HDAC4: variants seen among roughly 807,000 people sequenced by gnomAD.
HDAC4 encodes the protein histone deacetylase A.
A neutral mutation model predicts 135.1 loss-of-function variants in HDAC4; 16 were observed. The ratio of observed to expected loss-of-function variants is 0.12; its 90% confidence interval spans 0.08 to 0.18. The LOEUF (loss-of-function observed/expected upper bound fraction) is 0.18. Among genes scored for constraint, HDAC4 ranks in the 10% least tolerant of loss-of-function variants. HDAC4 has a pLI of 1.00. For missense variants in HDAC4, 1,143 were observed against 1,511.8 expected (o/e 0.76, Z 4.05); for synonymous variants, 685 against 653.4 (o/e 1.05, Z -0.74).
chr2:239,209,166 C>T (rs1252584811), intron 3 of HDAC4, among the ~76,000 whole-genome samples: 1 of 152,156 alleles, frequency 6.6e-6, no homozygotes, highest in Non-Finnish European at 1.5e-5. Context: ...CAGGTGTGAT[C>T]AGGCCACTGT....
At chr2:239,243,090 A>AG (rs35054785) in intron 2 of HDAC4, among the ~76,000 whole-genome samples, 45,945 of 151,748 alleles carry the variant, frequency 0.3, 7,753 homozygotes, top group African/African-American at 0.44. Context: ...CCCACATTTC[A>AG]CCTTAGCACC....
At chr2:239,316,449 G>A (rs1396651798) in intron 2 of HDAC4, among the ~76,000 whole-genome samples, 3 of 152,054 alleles carry the variant, frequency 2.0e-5, no homozygotes, top group Admixed American at 6.6e-5. Context: ...AAAAATTAAA[G>A]ATAAAAAAAT....
At position 239,175,660 on chromosome 2, in the gene HDAC4, G is replaced by T. The variant is rs143618825; in HGVS notation, c.490+753C>A. On this transcript the variant is annotated intron_variant, in intron 5 of 26. Transcript: ENST00000543185. ...GCTGCTGGCCCTCACTGGGCCGTGG[G>T]TCACTCTACAACCTCACACCTGCTT... 2.0e-5 allele frequency among the ~76,000 whole-genome samples: 3 copies of T among 152,322 alleles called. No homozygotes were observed. The East Asian group carries it at 5.8e-4, about 29-fold the overall frequency.
Position 239,352,772 on chromosome 2 carries a change from G to A in HDAC4, c.-73C>T. 2 of 1,399,080 alleles carry A rather than the reference G, an allele frequency of 1.4e-6. No individual in the cohort carries two copies. The highest frequency in any genetic ancestry group is 2.0e-6 in the Non-Finnish European group (2 of 1,008,024). The allele number at this position is 1,399,080 out of a possible 1,614,324, so 86.7% of individuals were successfully genotyped here. A position where few individuals can be genotyped will look rare whatever the true frequency, so the allele number is the denominator to read the frequency against. On this transcript the variant is annotated 5_prime_UTR_variant, in exon 2 of 27. Transcript: ENST00000543185. The surrounding 1 kb of genome is among the most constrained non-coding windows in gnomAD (Gnocchi z 4.4). ...TCCACGGAAACGATAGCTCCAACGA[G>A]CTCCAAACTCCCACCAACACATACA...
In HDAC4 at chr2:239,102,828, C is replaced by G; in HGVS notation, c.2181G>C (p.Leu727=). 6.2e-7 allele frequency: 1 copy of G among 1,613,944 alleles called. No homozygotes were observed. The highest frequency in any genetic ancestry group is 1.1e-5 in the South Asian group (1 of 91,074). ...QTVHSEAHTL[L]YGTNPLNRQK... Reference sequence around the variant, plus strand: ...GCCGGTTGAGGGGGTTCGTGCCATACAGGAGGGTGTGGGCTTCCGAGTGCA... The same window carrying G: ...GCCGGTTGAGGGGGTTCGTGCCATAGAGGAGGGTGTGGGCTTCCGAGTGCA... The change falls in exon 16 of 27, where the codon CTG becomes CTC. Residue 727 remains leucine, a synonymous_variant. Coordinates refer to ENST00000543185, the MANE Select transcript of HDAC4 (RefSeq NM_001378414.1).
At chr2:239,239,145 G>A (rs980376054) in intron 2 of HDAC4, among the ~76,000 whole-genome samples, 8 of 152,112 alleles carry the variant, frequency 5.3e-5, no homozygotes, top group Admixed American at 3.3e-4. Flanking sequence ...TAGCACACAC[G>A]CCACAGGGGC....
intron 24 of HDAC4, among the ~76,000 whole-genome samples, chr2:239,055,716 C>CCA (rs1192174860): frequency 1.4e-5 from 1 of 71,056 alleles, no homozygotes; most frequent in Non-Finnish European, 3.1e-5. Flanking sequence ...GACCCTGTCT[C>CCA]AAAAAAAAAA....
intron 2 of HDAC4, among the ~76,000 whole-genome samples, chr2:239,345,106 G>C (rs1692527066): frequency 6.6e-6 from 1 of 152,084 alleles, no homozygotes; most frequent in Admixed American, 6.6e-5. Flanking sequence ...GCCACTCTCA[G>C]CTCCCAGGCT....
In HDAC4 at chr2:239,114,368, G is replaced by C. The variant is rs150859808; in HGVS notation, c.1791+685C>G. Among the ~76,000 whole-genome samples the C allele has an allele frequency of 8.9e-3, 1,352 of 152,286 alleles. 18 individuals are homozygous for C. Among genetic ancestry groups the C allele is most frequent in the African/African-American group, 0.031 (1,293 of 41,556 alleles). On this transcript the variant is annotated intron_variant, in intron 13 of 26. Coordinates refer to ENST00000543185, the MANE Select transcript of HDAC4 (RefSeq NM_001378414.1). ...CTACAGAGCTGTGGTTCCTCGGACT[G>C]GCTTCCTGCCTACAGGGAGGAAGCC... is the stretch of plus-strand genomic sequence containing the variant.
chr2:239,296,804 G>C (rs774097293), intron 2 of HDAC4, among the ~76,000 whole-genome samples: 3 of 151,986 alleles, frequency 2.0e-5, no homozygotes, highest in African/African-American at 4.8e-5. Context: ...GAGATTCTTC[G>C]GGGCAGATAT....
Position 239,178,751 on chromosome 2 carries a change from G to C in HDAC4, c.340-2188C>G, listed in dbSNP as rs1415373780. Among the ~76,000 whole-genome samples the C allele has an allele frequency of 3.3e-5, 5 of 152,284 alleles. No individual in the cohort carries two copies. In the South Asian group the frequency reaches 8.3e-4, roughly 25 times the overall value. ...GAAGAGGGGACGGTGAGAGGGTACGGGATAAGCAGGCATCCTGGCAACCAG... is the reference window on the plus strand; with the variant it reads ...GAAGAGGGGACGGTGAGAGGGTACGCGATAAGCAGGCATCCTGGCAACCAG... On this transcript the variant is annotated intron_variant, in intron 4 of 26. Coordinates refer to ENST00000543185, the MANE Select transcript of HDAC4 (RefSeq NM_001378414.1).
chr2:239,280,137 T>C (rs962012813), intron 2 of HDAC4, among the ~76,000 whole-genome samples: 1 of 152,060 alleles, frequency 6.6e-6, no homozygotes, highest in Non-Finnish European at 1.5e-5. Context: ...ATGTGCTGGT[T>C]CTTGTGGCAT....
At chr2:239,275,301 G>A (rs1178218862) in intron 2 of HDAC4, among the ~76,000 whole-genome samples, 2 of 152,236 alleles carry the variant, frequency 1.3e-5, no homozygotes, top group Non-Finnish European at 2.9e-5. Context: ...GCTCACTGCC[G>A]CTTTCTTCAC....
chr2:239,260,921 C>T (rs1259874600), intron 2 of HDAC4, among the ~76,000 whole-genome samples: 4 of 152,278 alleles, frequency 2.6e-5, no homozygotes, highest in Non-Finnish European at 5.9e-5. Context: ...CCAAGAAAAC[C>T]CAGCTTCCTA....
Position 239,315,532 on chromosome 2 carries a change from G to A in HDAC4, c.22+37146C>T, listed in dbSNP as rs559502519. 8.5e-5 allele frequency among the ~76,000 whole-genome samples: 13 copies of A among 152,234 alleles called. No homozygotes were observed. In the East Asian group the frequency reaches 2.5e-3, roughly 29 times the overall value. ...CTAAAACACGCCTCAAAGCCCCTAC[G>A]CTTCAGAGAGCACGACAGACACCAT... On this transcript the variant is annotated intron_variant, in intron 2 of 26. Coordinates refer to ENST00000543185, the MANE Select transcript of HDAC4 (RefSeq NM_001378414.1).
chr2:239,163,403 G>A (rs963354414), intron 6 of HDAC4, among the ~76,000 whole-genome samples: 1 of 152,192 alleles, frequency 6.6e-6, no homozygotes. Flanking sequence ...CTGCAGGGGG[G>A]CCCACTCCCA....
At chr2:239,277,663 A>G (rs1222713658) in intron 2 of HDAC4, among the ~76,000 whole-genome samples, 1 of 152,202 alleles carries the variant, frequency 6.6e-6, no homozygotes, top group African/African-American at 2.4e-5. Context: ...AGGGCCACAC[A>G]GCCGCCCAGC....
chr2:239,348,716 G>A (rs529872844), intron 2 of HDAC4, among the ~76,000 whole-genome samples: 52 of 152,226 alleles, frequency 3.4e-4, no homozygotes, highest in Non-Finnish European at 6.9e-4. Context: ...GTGGAGGGCT[G>A]GCCGGGCAAG....
rs1694107456 is a variant in HDAC4, at chr2:239,365,139, T to TATACAGTGA, written c.-219-12222_-219-12221insTCACTGTAT. On this transcript the variant is annotated intron_variant, in intron 1 of 26. Coordinates refer to ENST00000543185, the MANE Select transcript of HDAC4 (RefSeq NM_001378414.1). ...GTTGCTATATGACATTTCTGACTCC[T>TATACAGTGA]GTCTATACAGTGAGTTTAATAAGCA... is the stretch of plus-strand genomic sequence containing the variant. Among the ~76,000 whole-genome samples the TATACAGTGA allele has an allele frequency of 3.3e-5, 5 of 152,386 alleles. No individual in the cohort carries two copies. In the South Asian group the frequency reaches 8.3e-4, roughly 25 times the overall value.
Sources: allele counts gnomAD v4.1 joint callset (sites outside exome capture counted in the v4.1 genomes callset), GRCh38; gene constraint gnomAD v4.1.1; non-coding constraint Gnocchi (gnomAD v3.1); transcripts MANE v1.5; gene names NCBI Gene and HGNC (gene_info 2026-07-23, HGNC 2026-07-21).